MAP2K1: variants seen among roughly 807,000 people sequenced by gnomAD.
MAP2K1 encodes mitogen-activated protein kinase kinase 1, also known as dual specificity mitogen-activated protein kinase kinase 1.
In MAP2K1, 16 loss-of-function variants were observed where a neutral mutation model predicts 46.3. That is an observed-to-expected ratio of 0.35 (90% CI 0.23 to 0.52). MAP2K1 has a LOEUF of 0.52. MAP2K1 is among the 20% of genes least tolerant of loss of function. The probability of loss-of-function intolerance (pLI) is 0.94; values close to 1 mark genes in which losing one functional copy is unlikely to be tolerated. For synonymous variants in MAP2K1, 183 were observed against 185.6 expected, an observed-to-expected ratio of 0.99 and a Z score of 0.11; for missense variants, 263 against 497.1, an observed-to-expected ratio of 0.53 and a Z score of 4.48.
Position 66,388,645 on chromosome 15 carries a change from A to G in MAP2K1, c.80+1218A>G, listed in dbSNP as rs1056778792. On this transcript the variant is annotated intron_variant, in intron 1 of 10. Coordinates refer to ENST00000307102, the MANE Select transcript of MAP2K1 (RefSeq NM_002755.4). Reference sequence around the variant, plus strand: ...GCGATCCTCCCAAAGTGCTGGGATTACAGGCATGAGCCACTATGCCCAGCC... The same window carrying G: ...GCGATCCTCCCAAAGTGCTGGGATTGCAGGCATGAGCCACTATGCCCAGCC... Among the ~76,000 whole-genome samples the G allele has an allele frequency of 2.6e-5, 4 of 152,174 alleles. No individual in the cohort carries two copies. The East Asian group carries it at 7.7e-4, about 29-fold the overall frequency.
chr15:66,453,587 G>A (rs950258844), intron 5 of MAP2K1: 2 of 702,162 alleles, frequency 2.8e-6, no homozygotes, highest in African/African-American at 1.7e-5. Flanking sequence ...GTGAAAATGA[G>A]AGAGAGCAGT....
At position 66,489,295 on chromosome 15, in the gene MAP2K1, C is replaced by A; in HGVS notation, c.1022+19C>A. 6.2e-7 allele frequency: 1 copy of A among 1,608,730 alleles called. No individual in the cohort carries two copies. The highest frequency in any genetic ancestry group is 1.1e-5 in the South Asian group (1 of 90,956). ...ATAAATGGTAAGTTGGCTCCTTGTT[C>A]TCTGGAAGCGTATACTCTGGATTTG... On this transcript the variant is annotated intron_variant, in intron 9 of 10. Coordinates refer to ENST00000307102, the MANE Select transcript of MAP2K1 (RefSeq NM_002755.4).
intron 5 of MAP2K1, among the ~76,000 whole-genome samples, chr15:66,462,095 C>T (rs1252345727): frequency 6.6e-6 from 1 of 152,144 alleles, no homozygotes; most frequent in Non-Finnish European, 1.5e-5. Context: ...CAAGACTGTA[C>T]TTTACAAGTC....
chr15:66,396,270 A>G (rs2093367262), intron 1 of MAP2K1, among the ~76,000 whole-genome samples: 1 of 151,242 alleles, frequency 6.6e-6, no homozygotes, highest in Non-Finnish European at 1.5e-5. Flanking sequence ...GGTGTGAGTC[A>G]CCGTGCCCGG....
chr15:66,415,523 G>T (rs9920038), intron 1 of MAP2K1, among the ~76,000 whole-genome samples: 42,065 of 151,824 alleles, frequency 0.28, 6,494 homozygotes, highest in South Asian at 0.37. Flanking sequence ...CCCATATCCA[G>T]ATCATCACCC....
chr15:66,469,472 CTTTTTTTTTTTTTTT>C (rs370379739), intron 5 of MAP2K1, among the ~76,000 whole-genome samples: 5 of 76,608 alleles, frequency 6.5e-5, no homozygotes, highest in Non-Finnish European at 9.0e-5. Context: ...CTGGTGCCTC[CTTTTTTTTTTTTTTT>C]TTTTTTTTTT....
chr15:66,429,478 C>A (rs556850628), intron 1 of MAP2K1, among the ~76,000 whole-genome samples: 303 of 152,312 alleles, frequency 2.0e-3, no homozygotes, highest in African/African-American at 7.2e-3. Flanking sequence ...TCATATAGTA[C>A]ATACTCTTTT....
chr15:66,430,640 A>C (rs1273914136), intron 1 of MAP2K1, among the ~76,000 whole-genome samples: 1 of 152,142 alleles, frequency 6.6e-6, no homozygotes, highest in Non-Finnish European at 1.5e-5. Context: ...GAACTGTGTG[A>C]ACTTGTCCCT....
At chr15:66,433,698 G>A (rs1404444281) in intron 1 of MAP2K1, among the ~76,000 whole-genome samples, 1 of 152,158 alleles carries the variant, frequency 6.6e-6, no homozygotes, top group Non-Finnish European at 1.5e-5. Context: ...CAGAACTGGG[G>A]TGTGTGTGTT....
At chr15:66,453,320 G>A in intron 5 of MAP2K1, 1 of 560,890 alleles carries the variant, frequency 1.8e-6, no homozygotes, top group Non-Finnish European at 3.2e-6. Context: ...TGCTTTGTGA[G>A]CCAGATGGGT....
At chr15:66,486,366 A>G (rs556443464) in intron 7 of MAP2K1, among the ~76,000 whole-genome samples, 1 of 152,224 alleles carries the variant, frequency 6.6e-6, no homozygotes, top group Admixed American at 6.5e-5. Context: ...TTACCCCAGC[A>G]AGAAACCCCA....
chr15:66,483,089 A>C (rs539186467), intron 6 of MAP2K1, among the ~76,000 whole-genome samples: 1 of 152,296 alleles, frequency 6.6e-6, no homozygotes, highest in South Asian at 2.1e-4. Context: ...CTGCCTACTT[A>C]ACCTTGCTGA....
At chr15:66,438,156 G>A (rs569638599) in intron 3 of MAP2K1, among the ~76,000 whole-genome samples, 2 of 149,988 alleles carry the variant, frequency 1.3e-5, no homozygotes, top group Non-Finnish European at 3.0e-5. Context: ...GCGCGATGTC[G>A]GCTCACTGCA....
intron 1 of MAP2K1, among the ~76,000 whole-genome samples, chr15:66,398,468 G>A (rs1343417009): frequency 6.6e-6 from 1 of 151,550 alleles, no homozygotes; most frequent in East Asian, 2.0e-4. Flanking sequence ...TCTAGGATAG[G>A]AGACTAAGGA....
intron 1 of MAP2K1, among the ~76,000 whole-genome samples, chr15:66,428,599 AAAAAACCCCCAC>A (rs921439988): frequency 6.6e-6 from 1 of 151,972 alleles, no homozygotes; most frequent in African/African-American, 2.4e-5. Context: ...AATCTCATCC[AAAAAACCCCCAC>A]AAAAACCAAA....
At chr15:66,454,815 G>C (rs188637793) in intron 5 of MAP2K1, among the ~76,000 whole-genome samples, 1 of 151,978 alleles carries the variant, frequency 6.6e-6, no homozygotes. Context: ...CCCAGGAGGC[G>C]GAGGTTGCAA....
At chr15:66,446,177 G>A (rs754068454) in intron 5 of MAP2K1, among the ~76,000 whole-genome samples, 3 of 151,966 alleles carry the variant, frequency 2.0e-5, no homozygotes, top group Non-Finnish European at 2.9e-5. Context: ...CCAAGATTGC[G>A]CCACTGCACT....
intron 1 of MAP2K1, among the ~76,000 whole-genome samples, chr15:66,421,042 T>G (rs2093441248): frequency 6.8e-6 from 1 of 147,412 alleles, no homozygotes; most frequent in African/African-American, 2.5e-5. Context: ...ATGTACAATT[T>G]TATATATATG....
intron 8 of MAP2K1, 88 bp from the exon 9 acceptor site, chr15:66,489,127 C>A: frequency 9.8e-7 from 1 of 1,021,532 alleles, no homozygotes; most frequent in Non-Finnish European, 1.6e-6. Context: ...AAAAAAGTAG[C>A]ACTGGCTGGT....
Sources: allele counts gnomAD v4.1 joint callset (sites outside exome capture counted in the v4.1 genomes callset), GRCh38; gene constraint gnomAD v4.1.1; transcripts MANE v1.5; gene names NCBI Gene and HGNC (gene_info 2026-07-23, HGNC 2026-07-21).